ATG7: variants seen among roughly 807,000 people sequenced by gnomAD.
The protein encoded by ATG7 is autophagy related 7.
ATG7 carries 70 observed loss-of-function variants against 82.4 expected under a neutral mutation model. That is an observed-to-expected ratio of 0.85 (90% CI 0.70 to 1.04). The LOEUF (loss-of-function observed/expected upper bound fraction) is 1.04, where lower values mean the gene tolerates loss of function less well. ATG7 is among the 50% of genes least tolerant of loss of function. The pLI, the probability that ATG7 is intolerant of heterozygous loss-of-function variation, is 0.00. For synonymous variants in ATG7, 287 were observed against 313.0 expected (o/e 0.92, Z 0.88); for missense variants, 792 against 864.3 (o/e 0.92, Z 1.05).
In ATG7 at chr3:11,556,555, T is replaced by C. The variant is rs1288840783; in HGVS notation, c.*1712T>C. The C allele has an allele frequency of 6.6e-6, 1 of 152,552 alleles. No individual in the cohort carries two copies. The highest frequency in any genetic ancestry group is 1.5e-5 in the Non-Finnish European group (1 of 68,016). 9.4% of individuals were successfully genotyped at this position (152,552 alleles called of 1,614,324 possible). On this transcript the variant is annotated 3_prime_UTR_variant, in exon 21 of 21. Transcript: ENST00000693202. ...GGCTATGAATGCAGATGCAGTGTTC[T>C]CATAGAATAACTGTTCCTGCACTTT...
rs772213768 is a variant in ATG7, at chr3:11,313,369, A to G, written c.477A>G (p.Leu159=). 1 of 1,612,902 alleles carries G rather than the reference A, an allele frequency of 6.2e-7. No individual in the cohort carries two copies. ...CYPALCLPES[L]PLIQGPVGLD... ...CTGCCCTCTGTCTTCCAGAGAGTTT[A>G]CCTCTCATTCAGGGGCCAGTGGGTT... Residue 159 remains leucine (L), a synonymous_variant, in exon 8 of 21, where the codon TTA becomes TTG. Coordinates refer to ENST00000693202, the MANE Select transcript of ATG7 (RefSeq NM_001349232.2).
At chr3:11,476,343 G>A (rs1017259102) in intron 20 of ATG7, among the ~76,000 whole-genome samples, 9 of 151,720 alleles carry the variant, frequency 5.9e-5, no homozygotes, top group African/African-American at 1.2e-4. Flanking sequence ...GTCCTAATGT[G>A]TTAGCTCAAT....
chr3:11,508,182 T>G (rs1411008466), intron 20 of ATG7, among the ~76,000 whole-genome samples: 1 of 152,058 alleles, frequency 6.6e-6, no homozygotes, highest in Non-Finnish European at 1.5e-5. Flanking sequence ...TCACTCTTAC[T>G]AGCTATGGAC....
chr3:11,278,386 T>C (rs1358462491), intron 1 of ATG7, among the ~76,000 whole-genome samples: 2 of 152,238 alleles, frequency 1.3e-5, no homozygotes, highest in East Asian at 3.8e-4. Flanking sequence ...AACTGATATA[T>C]GTCCATATTA....
At chr3:11,317,436 C>CTTTTTT (rs1432341155) in intron 9 of ATG7, among the ~76,000 whole-genome samples, 2 of 152,106 alleles carry the variant, frequency 1.3e-5, no homozygotes. Context: ...AAGGGACTTT[C>CTTTTTT]ACATACTTGA....
intron 20 of ATG7, among the ~76,000 whole-genome samples, chr3:11,543,583 G>C (rs1044727701): frequency 6.6e-5 from 10 of 152,210 alleles, no homozygotes; most frequent in Non-Finnish European, 1.3e-4. Context: ...CTTTCCAAAG[G>C]GAGGCACCGG....
chr3:11,558,142 G>A (rs1004397059), downstream of ATG7: 9 of 226,656 alleles, frequency 4.0e-5, no homozygotes, highest in South Asian at 8.7e-5. Context: ...CAAACACGCC[G>A]TGGAAGCTGA....
At chr3:11,364,840 T>A (rs1027225487) in intron 18 of ATG7, 106 bp downstream of exon 18, 8 of 1,184,020 alleles carry the variant, frequency 6.8e-6, no homozygotes, top group African/African-American at 1.5e-5. Context: ...CCACCCTACT[T>A]ACCCTGCAGC....
At chr3:11,318,448 A>T (rs1427381431) in intron 9 of ATG7, among the ~76,000 whole-genome samples, 1 of 152,224 alleles carries the variant, frequency 6.6e-6, no homozygotes, top group Non-Finnish European at 1.5e-5. Flanking sequence ...GCCTTATCTT[A>T]TTCTAGGAAA....
intron 9 of ATG7, among the ~76,000 whole-genome samples, chr3:11,325,203 C>T (rs980693884): frequency 7.9e-5 from 12 of 152,106 alleles, no homozygotes; most frequent in African/African-American, 2.2e-4. Flanking sequence ...AATTGCCTAA[C>T]GATGCATTTT....
chr3:11,484,386 G>A (rs1028594028), intron 20 of ATG7, among the ~76,000 whole-genome samples: 3 of 151,854 alleles, frequency 2.0e-5, no homozygotes, highest in Admixed American at 6.6e-5. Flanking sequence ...AGGAGACTCC[G>A]TCTCAAAAAA....
At chr3:11,304,928 G>A (rs1947469719) in intron 5 of ATG7, among the ~76,000 whole-genome samples, 2 of 152,092 alleles carry the variant, frequency 1.3e-5, no homozygotes, top group South Asian at 4.1e-4. Context: ...GATTCATAGA[G>A]TTGTGCTGCC....
chr3:11,426,948 T>G (rs202038106), intron 20 of ATG7, 22 bp downstream of exon 20: 1 of 1,569,296 alleles, frequency 6.4e-7, no homozygotes, highest in Non-Finnish European at 8.6e-7. Context: ...ACAAGCTTTC[T>G]GTAGTGAAGA....
chr3:11,544,207 C>T (rs2071078561), intron 20 of ATG7, among the ~76,000 whole-genome samples: 1 of 152,206 alleles, frequency 6.6e-6, no homozygotes, highest in South Asian at 2.1e-4. Context: ...GGTCCCCATG[C>T]TGCGATGGGG....
chr3:11,306,374 T>C (rs1346034652), intron 5 of ATG7, among the ~76,000 whole-genome samples: 1 of 152,198 alleles, frequency 6.6e-6, no homozygotes, highest in African/African-American at 2.4e-5. Flanking sequence ...TAGAAAATAT[T>C]ATGCTGAGTT....
At chr3:11,390,491 C>A (rs1184410999) in intron 19 of ATG7, among the ~76,000 whole-genome samples, 2 of 152,216 alleles carry the variant, frequency 1.3e-5, no homozygotes, top group Non-Finnish European at 2.9e-5. Flanking sequence ...TCCCACTCAG[C>A]AGAAGGACTG....
At chr3:11,491,774 C>T (rs1467914259) in intron 20 of ATG7, among the ~76,000 whole-genome samples, 5 of 152,216 alleles carry the variant, frequency 3.3e-5, no homozygotes, top group African/African-American at 1.2e-4. Context: ...GCAGCGGTGT[C>T]TGCAGAATAG....
rs34118059 is a variant in ATG7 at position 11,299,928 on chromosome 3, C to CTT, written c.215+525_215+526dup. ...GGAGTTGCTGGAGAGAAGAGACACACTTTTTTTTTTTTTTGAGACAGGATC... is the reference window on the plus strand; with the variant it reads ...GGAGTTGCTGGAGAGAAGAGACACACTTTTTTTTTTTTTTTTGAGACAGGATC... On this transcript the variant is annotated intron_variant, in intron 5 of 20. Transcript: ENST00000693202. 7.5e-4 allele frequency among the ~76,000 whole-genome samples: 108 copies of CTT among 144,534 alleles called. 4 individuals are homozygous for CTT. In the South Asian group the frequency reaches 0.011, roughly 14 times the overall value. 94.8% of individuals were successfully genotyped at this position (144,534 alleles called of 152,430 possible). A position where few individuals can be genotyped will look rare whatever the true frequency, so the allele number is the denominator to read the frequency against.
intron 20 of ATG7, among the ~76,000 whole-genome samples, chr3:11,541,129 T>A (rs2070797589): frequency 6.6e-6 from 1 of 152,168 alleles, no homozygotes; most frequent in South Asian, 2.1e-4. Flanking sequence ...CTCGATCTCC[T>A]GACTTCGTGA....
Sources: gnomAD v4.1 joint callset for allele counts (sites outside exome capture counted in the v4.1 genomes callset) on GRCh38, gnomAD v4.1.1 for gene constraint, MANE v1.5 for transcripts, NCBI Gene and HGNC (gene_info 2026-07-23, HGNC 2026-07-21) for gene names.